MAGI2: variants seen among roughly 807,000 people sequenced by gnomAD.
The protein encoded by MAGI2 is membrane associated guanylate kinase, WW and PDZ domain containing 2.
MAGI2 carries 35 observed loss-of-function variants against 133.3 expected under a neutral mutation model. The observed-to-expected ratio is 0.26, with a 90% CI of 0.20 to 0.35. The LOEUF (loss-of-function observed/expected upper bound fraction) is 0.35, where lower values mean the gene tolerates loss of function less well. Among genes scored for constraint, MAGI2 ranks in the 10% least tolerant of loss-of-function variants. The pLI, the probability that MAGI2 is intolerant of heterozygous loss-of-function variation, is 1.00. For synonymous variants in MAGI2, 729 were observed against 710.6 expected (o/e 1.03, Z -0.41); for missense variants, 1,636 against 1,863.4 (o/e 0.88, Z 2.25).
intron 1 of MAGI2, among the ~76,000 whole-genome samples, chr7:79,176,482 A>T (rs1049211865): frequency 3.3e-5 from 5 of 152,114 alleles, no homozygotes; most frequent in African/African-American, 1.2e-4. Context: ...ACTCCATCTC[A>T]GAATGAGAAC....
chr7:78,894,506 T>G (rs1174316394), intron 2 of MAGI2, among the ~76,000 whole-genome samples: 1 of 152,184 alleles, frequency 6.6e-6, no homozygotes, highest in Non-Finnish European at 1.5e-5. Flanking sequence ...CATGTACCTG[T>G]GCCATAATGC....
chr7:79,392,855 G>A (rs1453415588), intron 1 of MAGI2, among the ~76,000 whole-genome samples: 1 of 144,350 alleles, frequency 6.9e-6, no homozygotes, highest in African/African-American at 2.8e-5. Context: ...GAGCTACCCT[G>A]AGAGTTCTCC....
At chr7:79,333,728 G>A (rs1345730859) in intron 1 of MAGI2, among the ~76,000 whole-genome samples, 1 of 151,928 alleles carries the variant, frequency 6.6e-6, no homozygotes, top group African/African-American at 2.4e-5. Context: ...GTTAACCAGA[G>A]TCATTTTCAA....
intron 1 of MAGI2, among the ~76,000 whole-genome samples, chr7:79,058,901 TA>T (rs1176874495): frequency 6.6e-6 from 1 of 152,076 alleles, no homozygotes; most frequent in Non-Finnish European, 1.5e-5. Context: ...TATGAGTAGA[TA>T]AGGGACAAAT....
chr7:78,285,919 C>T (rs1414322675), intron 9 of MAGI2: 3 of 152,050 alleles, frequency 2.0e-5, no homozygotes, highest in Non-Finnish European at 4.4e-5. Context: ...AGGTTCCATC[C>T]CATGTCACTT....
intron 1 of MAGI2, among the ~76,000 whole-genome samples, chr7:79,070,409 C>A (rs1027991973): frequency 2.1e-4 from 32 of 151,440 alleles, no homozygotes; most frequent in African/African-American, 6.8e-4. Flanking sequence ...GCTATTGATA[C>A]TTGTATATGC....
intron 3 of MAGI2, among the ~76,000 whole-genome samples, chr7:78,592,828 CT>C (rs10675572): frequency 0.021 from 2,187 of 106,610 alleles, 26 homozygotes; most frequent in African/African-American, 0.061. Context: ...TACTGATTCT[CT>C]TTTTTTTTTT....
intron 3 of MAGI2, among the ~76,000 whole-genome samples, chr7:78,540,070 G>C (rs1563143250): frequency 6.6e-6 from 1 of 152,196 alleles, no homozygotes; most frequent in African/African-American, 2.4e-5. Flanking sequence ...CATATAGGGG[G>C]ATATAAGCTT....
intron 7 of MAGI2, among the ~76,000 whole-genome samples, chr7:78,356,871 G>T (rs1238228048): frequency 6.6e-6 from 1 of 152,214 alleles, no homozygotes; most frequent in Non-Finnish European, 1.5e-5. Context: ...ATGAGTCTGA[G>T]TGGTCCTTCT....
At chr7:79,004,854 A>T (rs541066854) in intron 2 of MAGI2, among the ~76,000 whole-genome samples, 31 of 152,288 alleles carry the variant, frequency 2.0e-4, no homozygotes, top group African/African-American at 7.2e-4. Context: ...AGGCCAAGGC[A>T]GGTGGATCAC....
intron 1 of MAGI2, among the ~76,000 whole-genome samples, chr7:79,162,877 T>C (rs1824505876): frequency 6.6e-6 from 1 of 152,088 alleles, no homozygotes; most frequent in South Asian, 2.1e-4. Flanking sequence ...ACTTTGACTT[T>C]TGGTTTTGTT....
intron 3 of MAGI2, among the ~76,000 whole-genome samples, chr7:78,560,145 T>C (rs1018542570): frequency 6.6e-5 from 10 of 152,088 alleles, no homozygotes; most frequent in African/African-American, 1.9e-4. Flanking sequence ...AAAAATTTAC[T>C]GAGAGGAAGA....
At chr7:78,909,766 C>T (rs903876033) in intron 2 of MAGI2, among the ~76,000 whole-genome samples, 2 of 152,074 alleles carry the variant, frequency 1.3e-5, no homozygotes, top group African/African-American at 4.8e-5. Context: ...ACTATTTGAC[C>T]GAGTAATCCC....
intron 2 of MAGI2, among the ~76,000 whole-genome samples, chr7:78,911,304 A>C (rs1427505744): frequency 6.6e-6 from 1 of 152,204 alleles, no homozygotes; most frequent in Non-Finnish European, 1.5e-5. Flanking sequence ...ACTGTATCTG[A>C]ATATTTGTAT....
At chr7:78,120,122 G>A (rs900616758) in intron 20 of MAGI2, among the ~76,000 whole-genome samples, 1 of 152,186 alleles carries the variant, frequency 6.6e-6, no homozygotes, top group African/African-American at 2.4e-5. Context: ...TTGACAAGTG[G>A]CCGGGCACAG....
chr7:79,077,091 T>C (rs1401601837), intron 1 of MAGI2, among the ~76,000 whole-genome samples: 1 of 152,162 alleles, frequency 6.6e-6, no homozygotes, highest in Non-Finnish European at 1.5e-5. Flanking sequence ...AGAAGAAATA[T>C]AAAGCTCATT....
At chr7:78,851,552 G>A (rs1383528945) in intron 2 of MAGI2, among the ~76,000 whole-genome samples, 1 of 152,010 alleles carries the variant, frequency 6.6e-6, no homozygotes, top group Non-Finnish European at 1.5e-5. Flanking sequence ...ACCCCTCTGT[G>A]GTCATCCCCA....
At chr7:79,259,380 G>C (rs1206778725) in intron 1 of MAGI2, among the ~76,000 whole-genome samples, 1 of 152,130 alleles carries the variant, frequency 6.6e-6, no homozygotes, top group Non-Finnish European at 1.5e-5. Context: ...AACTCTCTCT[G>C]TTTGTTATAT....
At chr7:79,218,487 C>T (rs941159100) in intron 1 of MAGI2, among the ~76,000 whole-genome samples, 9 of 151,986 alleles carry the variant, frequency 5.9e-5, no homozygotes, top group Non-Finnish European at 1.3e-4. Context: ...AACAATAACA[C>T]AAATATCGTC....
Sources: allele counts gnomAD v4.1 joint callset (sites outside exome capture counted in the v4.1 genomes callset), GRCh38; gene constraint gnomAD v4.1.1; transcripts MANE v1.5; gene names NCBI Gene and HGNC (gene_info 2026-07-23, HGNC 2026-07-21).